Variants in UTRN observed in about 807,000 individuals in gnomAD.
UTRN encodes the protein utrophin.
A neutral mutation model predicts 463.9 loss-of-function variants in UTRN; 283 were observed. The observed-to-expected ratio is 0.61, with a 90% CI of 0.55 to 0.67. UTRN has a LOEUF of 0.67. Among genes scored for constraint, UTRN ranks in the 30% least tolerant of loss-of-function variants. The probability of loss-of-function intolerance (pLI) is 0.00; values close to 1 mark genes in which losing one functional copy is unlikely to be tolerated. For synonymous variants in UTRN, 1,442 were observed against 1,431.5 expected, an observed-to-expected ratio of 1.01 and a Z score of -0.17; for missense variants, 3,922 against 4,084.3, an observed-to-expected ratio of 0.96 and a Z score of 1.08.
At chr6:144,427,424 A>G (rs1785394454) in intron 7 of UTRN, among the ~76,000 whole-genome samples, 1 of 152,208 alleles carries the variant, frequency 6.6e-6, no homozygotes, top group Non-Finnish European at 1.5e-5. Flanking sequence ...CAGTTCTTAC[A>G]AATTTTAGTA....
At chr6:144,336,111 T>C (rs1330700296) in intron 2 of UTRN, among the ~76,000 whole-genome samples, 10 of 152,106 alleles carry the variant, frequency 6.6e-5, no homozygotes, top group Non-Finnish European at 1.5e-4. Flanking sequence ...ATGTGGGCAT[T>C]TGCAAGAGGA....
chr6:144,498,323 T>C (rs993479206), intron 33 of UTRN, among the ~76,000 whole-genome samples: 9 of 152,372 alleles, frequency 5.9e-5, no homozygotes, highest in African/African-American at 2.2e-4. Context: ...TGCATACGTG[T>C]GTAAGATTCC....
At chr6:144,540,528 T>C (rs1267441920) in intron 45 of UTRN, among the ~76,000 whole-genome samples, 4 of 152,244 alleles carry the variant, frequency 2.6e-5, no homozygotes, top group African/African-American at 9.6e-5. Flanking sequence ...CTCCATACTC[T>C]AAACTTGTGT....
At chr6:144,694,079 G>A (rs894650090) in intron 52 of UTRN, among the ~76,000 whole-genome samples, 12 of 151,982 alleles carry the variant, frequency 7.9e-5, no homozygotes, top group African/African-American at 1.9e-4. Context: ...TATCTAGTTC[G>A]TTGAGAATTT....
intron 65 of UTRN, among the ~76,000 whole-genome samples, chr6:144,815,190 C>G (rs1305946825): frequency 6.6e-6 from 1 of 152,172 alleles, no homozygotes; most frequent in African/African-American, 2.4e-5. Flanking sequence ...CATTGATCAT[C>G]TTTGGAAAAT....
intron 73 of UTRN, among the ~76,000 whole-genome samples, chr6:144,845,293 A>T (rs1052892317): frequency 3.3e-5 from 5 of 152,060 alleles, no homozygotes; most frequent in African/African-American, 1.2e-4. Context: ...TTTGGTATAA[A>T]TTTTTTTTGT....
chr6:144,555,907 A>T (rs1799338678), intron 49 of UTRN, among the ~76,000 whole-genome samples: 1 of 152,224 alleles, frequency 6.6e-6, no homozygotes, highest in African/African-American at 2.4e-5. Context: ...TCATTTGAGG[A>T]CTACTATAGT....
intron 34 of UTRN, among the ~76,000 whole-genome samples, chr6:144,500,518 A>G (rs957064116): frequency 6.6e-6 from 1 of 152,178 alleles, no homozygotes; most frequent in Non-Finnish European, 1.5e-5. Flanking sequence ...CATTACATTC[A>G]TGGATCATCA....
rs984821764 is a variant in UTRN, at chr6:144,670,289, A to AT, written c.7480-8108dup. Among the ~76,000 whole-genome samples the AT allele has an allele frequency of 6.0e-5, 9 of 151,032 alleles. No homozygotes were observed. The South Asian group carries it at 6.3e-4, about 11-fold the overall frequency. On this transcript the variant is annotated intron_variant, in intron 51 of 74. Coordinates refer to ENST00000367545, the MANE Select transcript of UTRN (RefSeq NM_007124.3). Reference sequence around the variant, plus strand: ...TTTTACCACATCCACACCAACATCTATTTTTTTTTATTTTTTAATTATGGC... The same window carrying AT: ...TTTTACCACATCCACACCAACATCTATTTTTTTTTTATTTTTTAATTATGGC...
At chr6:144,368,136 G>A (rs907712441) in intron 2 of UTRN, among the ~76,000 whole-genome samples, 5 of 152,088 alleles carry the variant, frequency 3.3e-5, no homozygotes, top group African/African-American at 4.8e-5. Context: ...GATCCTATAA[G>A]CTTGTTGCTA....
intron 2 of UTRN, among the ~76,000 whole-genome samples, chr6:144,361,806 A>G (rs542840840): frequency 7.3e-6 from 1 of 137,360 alleles, no homozygotes; most frequent in East Asian, 2.1e-4. Flanking sequence ...GGGTCTCGCT[A>G]TGTTGCCCAG....
At chr6:144,695,996 A>G (rs1783962519) in intron 52 of UTRN, among the ~76,000 whole-genome samples, 1 of 152,214 alleles carries the variant, frequency 6.6e-6, no homozygotes, top group Admixed American at 6.5e-5. Context: ...GTCAAATCTA[A>G]TGAAAACAGA....
At chr6:144,545,047 T>C (rs1481764908) in intron 46 of UTRN, among the ~76,000 whole-genome samples, 2 of 152,226 alleles carry the variant, frequency 1.3e-5, no homozygotes, top group Non-Finnish European at 2.9e-5. Context: ...TGTAGACATT[T>C]TTTTTTAGAT....
At position 144,684,723 on chromosome 6, in the gene UTRN, G is replaced by T. The variant is rs369506747; in HGVS notation, c.7652+6145G>T. Among the ~76,000 whole-genome samples, 19 of 152,206 alleles carry T rather than the reference G, an allele frequency of 1.2e-4. No homozygotes were observed. In the East Asian group the frequency reaches 3.7e-3, roughly 29 times the overall value. ...TGTTTTCAACCTCATCAGTAAGATG[G>T]CTCTCCTTCACATTAAGGTTATGAG... is the stretch of plus-strand genomic sequence containing the variant. On this transcript the variant is annotated intron_variant, in intron 52 of 74. Coordinates refer to ENST00000367545, the MANE Select transcript of UTRN (RefSeq NM_007124.3).
chr6:144,786,273 T>C (rs972468057), intron 61 of UTRN, among the ~76,000 whole-genome samples: 1 of 152,082 alleles, frequency 6.6e-6, no homozygotes, highest in African/African-American at 2.4e-5. Flanking sequence ...CCCACCTGAA[T>C]GCATCTTATT....
intron 61 of UTRN, among the ~76,000 whole-genome samples, chr6:144,786,350 A>G (rs1261626950): frequency 6.6e-6 from 1 of 152,268 alleles, no homozygotes; most frequent in South Asian, 2.1e-4. Context: ...CAGTGGCATG[A>G]TGTCAGCTCA....
At position 144,554,941 on chromosome 6, in the gene UTRN, C is replaced by CT. The variant is rs200748092; in HGVS notation, c.7134+55dup. 6.3e-6 allele frequency: 10 copies of CT among 1,590,064 alleles called. No individual in the cohort carries two copies. The East Asian group carries it at 1.8e-4, about 29-fold the overall frequency. On this transcript the variant is annotated intron_variant, in intron 49 of 74. Transcript: ENST00000367545. ...TGGCAGTATTGTTTTGTTGGATATA[C>CT]TTTTTTTCTATTGTTCACTGTAATT...
In UTRN at chr6:144,421,934, A is replaced by G; in HGVS notation, c.198A>G (p.Leu66=). 6.2e-7 allele frequency: 1 copy of G among 1,612,936 alleles called. No individual in the cohort carries two copies. ...MFTDLKDGRK[L]LDLLEGLTGT... ...CAGACCTCAAAGATGGAAGGAAGCT[A>G]TTGGATCTTCTAGAAGGCCTCACAG... The change falls in exon 4 of 75, where the codon CTA becomes CTG. Residue 66 remains leucine, a synonymous_variant. Coordinates refer to ENST00000367545, the MANE Select transcript of UTRN (RefSeq NM_007124.3).
At chr6:144,730,136 C>CT (rs1447738443) in intron 53 of UTRN, among the ~76,000 whole-genome samples, 3 of 152,180 alleles carry the variant, frequency 2.0e-5, no homozygotes, top group Non-Finnish European at 4.4e-5. Context: ...AAAGCTGTTT[C>CT]TTTTTTTGTA....
Sources: allele counts gnomAD v4.1 joint callset (sites outside exome capture counted in the v4.1 genomes callset), GRCh38; gene constraint gnomAD v4.1.1; transcripts MANE v1.5; gene names NCBI Gene and HGNC (gene_info 2026-07-23, HGNC 2026-07-21).